Variants in ZNF57 observed in about 807,000 individuals in gnomAD.
The protein encoded by ZNF57 is zinc finger protein 424.
In ZNF57, 11 loss-of-function variants were observed where a neutral mutation model predicts 13.4. The observed-to-expected ratio is 0.82, with a 90% CI of 0.52 to 1.36. The LOEUF is 1.36. ZNF57 is among the 40% of genes most tolerant of loss of function. ZNF57 has a pLI of 0.00. For synonymous variants in ZNF57, 224 were observed against 238.5 expected, an observed-to-expected ratio of 0.94 and a Z score of 0.56; for missense variants, 696 against 667.5, an observed-to-expected ratio of 1.04 and a Z score of -0.47.
In ZNF57 at chr19:2,917,390, T is replaced by G. The variant is rs780139941; in HGVS notation, c.769T>G (p.Cys257Gly). Residue 257 changes from cysteine to glycine, a missense_variant, in exon 4 of 4, where the codon TGT becomes GGT. Cys to Gly is a radical substitution (Grantham distance 159). Transcript: ENST00000306908. Reference sequence around the variant, plus strand: ...AGACAGGCCATATAAATGTCAGGAATGTGGGAGAGCCTTCATTTATCCCTC... The same window carrying G: ...AGACAGGCCATATAAATGTCAGGAAGGTGGGAGAGCCTTCATTTATCCCTC... Reference protein sequence around the residue: ...TKDRPYKCQECGRAFIYPSTF... With the variant: ...TKDRPYKCQEGGRAFIYPSTF... The G allele has an allele frequency of 6.2e-7, 1 of 1,614,072 alleles. No homozygotes were observed. Among genetic ancestry groups the G allele is most frequent in the Non-Finnish European group, 8.5e-7 (1 of 1,180,056 alleles).
intron 2 of ZNF57, 52 bp from the exon 3 acceptor site, chr19:2,916,026 T>G: frequency 1.3e-6 from 2 of 1,563,582 alleles, no homozygotes; most frequent in Non-Finnish European, 1.7e-6. Flanking sequence ...TGTCTTCCTT[T>G]GCTTAATACG....
At chr19:2,908,187 C>T (rs771635502) in intron 1 of ZNF57, among the ~76,000 whole-genome samples, 12 of 152,134 alleles carry the variant, frequency 7.9e-5, no homozygotes, top group Non-Finnish European at 1.6e-4. Context: ...CTAGGATTAT[C>T]TCTTTGTTCT....
intron 1 of ZNF57, among the ~76,000 whole-genome samples, chr19:2,903,718 AT>A (rs55961334): frequency 0.8 from 117,502 of 146,172 alleles, 47,767 homozygotes; most frequent in Non-Finnish European, 0.88. Context: ...CCTCCTTTGA[AT>A]TTTTTTTTTT....
At chr19:2,902,715 C>T (rs756415298) in intron 1 of ZNF57, among the ~76,000 whole-genome samples, 7 of 152,118 alleles carry the variant, frequency 4.6e-5, no homozygotes, top group Non-Finnish European at 1.0e-4. Flanking sequence ...AGGCGTGTTC[C>T]ATTCTGGTTA....
In ZNF57 at chr19:2,916,915, T is replaced by TTTTAACAGAAATCATA. The variant is rs1344661609; in HGVS notation, c.303-7_311dup. On this transcript the variant is annotated splice_polypyrimidine_tract_variant and intron_variant, in intron 3 of 3. Coordinates refer to ENST00000306908, the MANE Select transcript of ZNF57 (RefSeq NM_173480.3). ...TACCATACATAAAAATGTCTCTCAT[T>TTTTAACAGAAATCATA]TTTAACAGAAATCATATGGTGGACA... The TTTTAACAGAAATCATA allele has an allele frequency of 6.4e-7, 1 of 1,555,284 alleles. No homozygotes were observed. The highest frequency in any genetic ancestry group is 2.3e-5 in the East Asian group (1 of 44,274).
intron 1 of ZNF57, among the ~76,000 whole-genome samples, chr19:2,903,940 C>A (rs532610130): frequency 3.9e-5 from 6 of 152,140 alleles, no homozygotes; most frequent in Non-Finnish European, 8.8e-5. Context: ...TGGTCTTGAT[C>A]TCCTGACCTG....
At chr19:2,905,056 C>T (rs530684637) in intron 1 of ZNF57, among the ~76,000 whole-genome samples, 64 of 152,308 alleles carry the variant, frequency 4.2e-4, no homozygotes, top group Non-Finnish European at 6.0e-4. Flanking sequence ...CCCTCGTTTC[C>T]AGCATTGTTG....
chr19:2,905,417 CCT>C (rs201393492), intron 1 of ZNF57, among the ~76,000 whole-genome samples: 1,726 of 79,574 alleles, frequency 0.022, 680 homozygotes, highest in African/African-American at 0.061. Context: ...GCCCCCCCCC[CCT>C]CGGCATTCCA....
chr19:2,910,116 T>C (rs1158426077), intron 1 of ZNF57, among the ~76,000 whole-genome samples: 2 of 48,456 alleles, frequency 4.1e-5, no homozygotes, highest in African/African-American at 9.4e-5. Context: ...GGAATAACTA[T>C]TCACTTAGTT....
chr19:2,917,219 G>C lies in ZNF57; in HGVS notation c.598G>C (p.Ala200Pro), dbSNP rs774386613. Residue 200 changes from alanine (A) to proline (P), a missense_variant, in exon 4 of 4, where the codon GCA becomes CCA. Transcript: ENST00000306908. ...DTEEKPYKCQ[A>P]CGQTFQHPRY... ...TGAGGAGAAGCCGTATAAGTGTCAA[G>C]CATGTGGGCAAACTTTCCAACATCC... is the stretch of plus-strand genomic sequence containing the variant. The C allele has an allele frequency of 1.2e-6, 2 of 1,614,090 alleles. No individual in the cohort carries two copies. The highest frequency in any genetic ancestry group is 1.7e-6 in the Non-Finnish European group (2 of 1,180,046).
At chr19:2,901,463 G>A (rs1327145908) in intron 1 of ZNF57, among the ~76,000 whole-genome samples, 3 of 152,050 alleles carry the variant, frequency 2.0e-5, no homozygotes, top group Non-Finnish European at 4.4e-5. Flanking sequence ...GGGTGCAAGT[G>A]GGCTGAGTCT....
intron 1 of ZNF57, among the ~76,000 whole-genome samples, chr19:2,901,288 AG>A (rs1230257652): frequency 5.6e-5 from 3 of 53,778 alleles, no homozygotes; most frequent in African/African-American, 2.3e-4. Context: ...CCTGGGCAGG[AG>A]GGGGGCTGGA....
rs2144937631 is a variant in ZNF57, at chr19:2,917,257, C to T, written c.636C>T (p.Ser212=). The part of the protein sequence containing the change: ...GQTFQHPRYL[S]HHVKTHTAEK... The stretch of plus-strand genomic sequence containing the variant: ...CTTTCCAACATCCTCGTTACCTCTC[C>T]CACCACGTAAAGACTCACACAGCAG... Residue 212 remains serine, a synonymous_variant, in exon 4 of 4, where the codon TCC becomes TCT. Transcript: ENST00000306908. 1 of 1,614,178 alleles carries T rather than the reference C, an allele frequency of 6.2e-7. No individual in the cohort carries two copies. Among genetic ancestry groups the T allele is most frequent in the South Asian group, 1.1e-5 (1 of 91,076 alleles).
intron 1 of ZNF57, among the ~76,000 whole-genome samples, chr19:2,907,888 A>T (rs567815631): frequency 3.9e-5 from 6 of 152,070 alleles, no homozygotes; most frequent in African/African-American, 1.2e-4. Flanking sequence ...TAAAAATAAT[A>T]AAAAAATTGT....
intron 1 of ZNF57, among the ~76,000 whole-genome samples, chr19:2,913,779 T>G (rs2088162483): frequency 6.6e-6 from 1 of 152,142 alleles, no homozygotes; most frequent in Admixed American, 6.6e-5. Flanking sequence ...TAGCTGGGAA[T>G]CCACGTGTGT....
intron 1 of ZNF57, among the ~76,000 whole-genome samples, chr19:2,913,475 T>C (rs888631905): frequency 1.3e-5 from 2 of 152,058 alleles, no homozygotes; most frequent in Non-Finnish European, 2.9e-5. Context: ...TTCCTTTATA[T>C]AAGTTTTGGT....
intron 2 of ZNF57, 61 bp downstream of exon 2, chr19:2,915,709 C>A: frequency 6.2e-7 from 1 of 1,610,786 alleles, no homozygotes; most frequent in Non-Finnish European, 8.5e-7. Flanking sequence ...CTCATCAGTT[C>A]TGTTGCAAGA....
chr19:2,901,544 C>T lies in ZNF57; in HGVS notation c.3+496C>T, dbSNP rs546738252. On this transcript the variant is annotated intron_variant, in intron 1 of 3. Transcript: ENST00000306908. ...TTTTTTATTTTTTTTATTTTTGGGA[C>T]GGAGTCCCGCTCTGTCGCCAGGCTG... Among the ~76,000 whole-genome samples, 10 of 151,290 alleles carry T rather than the reference C, an allele frequency of 6.6e-5. No homozygotes were observed. The East Asian group carries it at 1.6e-3, about 24-fold the overall frequency.
At chr19:2,902,892 G>C (rs1430122382) in intron 1 of ZNF57, among the ~76,000 whole-genome samples, 2 of 152,158 alleles carry the variant, frequency 1.3e-5, no homozygotes, top group Non-Finnish European at 2.9e-5. Flanking sequence ...CTCACTCTAC[G>C]GGATGAGGGT....
Sources: gnomAD v4.1 joint callset for allele counts (sites outside exome capture counted in the v4.1 genomes callset) on GRCh38, gnomAD v4.1.1 for gene constraint, MANE v1.5 for transcripts, NCBI Gene and HGNC (gene_info 2026-07-23, HGNC 2026-07-21) for gene names.